Variants in TRPC5 observed in about 807,000 individuals in gnomAD.
TRPC5 encodes short transient receptor potential channel 5.
TRPC5 carries 9 observed loss-of-function variants against 56.5 expected under a neutral mutation model. That is an observed-to-expected ratio of 0.16 (90% confidence interval 0.10 to 0.28). The LOEUF is 0.28. TRPC5 is among the 10% of genes least tolerant of loss of function. TRPC5 has a pLI of 1.00. For missense variants in TRPC5, 469 were observed against 748.9 expected, an observed-to-expected ratio of 0.63 and a Z score of 4.36; for synonymous variants, 282 against 278.5, an observed-to-expected ratio of 1.01 and a Z score of -0.13.
intron 2 of TRPC5, among the ~76,000 whole-genome samples, chrX:111,929,260 A>G (rs1926341204): frequency 8.9e-6 from 1 of 112,127 alleles, no homozygotes; most frequent in African/African-American, 3.2e-5. Flanking sequence ...GGCCTCATTC[A>G]TATACTTGAG....
chrX:111,777,821 C>T (rs943587361), intron 10 of TRPC5, among the ~76,000 whole-genome samples: 9 of 112,780 alleles, frequency 8.0e-5, no homozygotes, highest in Non-Finnish European at 1.5e-4. Flanking sequence ...TTAAGCATCA[C>T]TTCCATTGGA....
At chrX:111,944,551 T>G (rs923857830) in intron 2 of TRPC5, among the ~76,000 whole-genome samples, 1 of 111,082 alleles carries the variant, frequency 9.0e-6, no homozygotes, top group South Asian at 3.9e-4. Context: ...CTCTTGGTAC[T>G]TGTGAATGTG....
At chrX:111,956,112 C>T (rs147382422) in intron 1 of TRPC5, among the ~76,000 whole-genome samples, 3,822 of 112,680 alleles carry the variant, frequency 0.034, 71 homozygotes, top group Non-Finnish European at 0.053. Context: ...AATCGATGGA[C>T]TTGGCAGAAG....
chrX:111,920,230 G>A (rs978605048), intron 2 of TRPC5, among the ~76,000 whole-genome samples: 16 of 110,944 alleles, frequency 1.4e-4, no homozygotes, highest in Admixed American at 1.3e-3. Context: ...AGTGAAGATC[G>A]CACCACTACA....
At chrX:111,837,906 CAA>C (rs757607444) in intron 6 of TRPC5, among the ~76,000 whole-genome samples, 2 of 42,658 alleles carry the variant, frequency 4.7e-5, no homozygotes, top group Admixed American at 3.2e-4. Context: ...GCCCCGTTAT[CAA>C]AAAAAAAAAA....
At chrX:111,962,965 C>T (rs1018333772) in intron 1 of TRPC5, among the ~76,000 whole-genome samples, 3 of 111,616 alleles carry the variant, frequency 2.7e-5, no homozygotes, top group Non-Finnish European at 5.7e-5. Flanking sequence ...TAAGGAGTGC[C>T]AGACAGTGGG....
chrX:111,845,097 G>A (rs1922888543), intron 6 of TRPC5, among the ~76,000 whole-genome samples: 1 of 110,073 alleles, frequency 9.1e-6, no homozygotes, highest in Admixed American at 9.7e-5. Context: ...AACTAGCCAG[G>A]CATGGTGGTG....
chrX:111,914,209 G>T (rs375234252), intron 2 of TRPC5, among the ~76,000 whole-genome samples: 2 of 111,679 alleles, frequency 1.8e-5, no homozygotes, highest in East Asian at 5.6e-4. Flanking sequence ...GGAAAAAAAA[G>T]TTCCAAATGT....
intron 1 of TRPC5, among the ~76,000 whole-genome samples, chrX:111,976,886 A>G (rs1927944465): frequency 9.0e-6 from 1 of 111,319 alleles, no homozygotes; most frequent in Non-Finnish European, 1.9e-5. Context: ...TCCCATTTAC[A>G]TTAGAGACAA....
At chrX:111,946,006 A>G (rs769802750) in intron 2 of TRPC5, among the ~76,000 whole-genome samples, 1 of 112,531 alleles carries the variant, frequency 8.9e-6, no homozygotes, top group Non-Finnish European at 1.9e-5. Context: ...TCTATCTCCC[A>G]GAAAGACAGA....
intron 2 of TRPC5, among the ~76,000 whole-genome samples, chrX:111,949,390 A>G (rs767386117): frequency 1.8e-5 from 2 of 112,322 alleles, no homozygotes; most frequent in Admixed American, 1.9e-4. Flanking sequence ...CAGGCAGCAG[A>G]GTTAACAAAC....
chrX:111,963,895 G>A (rs1927473022), intron 1 of TRPC5, among the ~76,000 whole-genome samples: 1 of 111,505 alleles, frequency 9.0e-6, no homozygotes, highest in Admixed American at 9.5e-5. Flanking sequence ...AGAAAAACTG[G>A]AAACTCTAAA....
At chrX:111,783,640 A>G (rs948982610) in intron 7 of TRPC5, among the ~76,000 whole-genome samples, 1 of 110,187 alleles carries the variant, frequency 9.1e-6, no homozygotes, top group African/African-American at 3.3e-5. Context: ...TAGAATATAC[A>G]TATATATTCT....
At chrX:111,798,656 T>TA (rs1250088633) in intron 7 of TRPC5, among the ~76,000 whole-genome samples, 30 of 105,007 alleles carry the variant, frequency 2.9e-4, no homozygotes, top group African/African-American at 3.4e-4. Context: ...ATTGTAAAAA[T>TA]AAAAAAAAAA....
At chrX:112,026,135 CT>C (rs1380822141) in intron 1 of TRPC5, among the ~76,000 whole-genome samples, 1 of 111,955 alleles carries the variant, frequency 8.9e-6, no homozygotes, top group Non-Finnish European at 1.9e-5. Context: ...CCTTCCAACT[CT>C]TGAAACTCTC....
intron 3 of TRPC5, among the ~76,000 whole-genome samples, chrX:111,906,353 T>A (rs866246163): frequency 6.1e-5 from 6 of 98,436 alleles, no homozygotes; most frequent in Admixed American, 1.1e-4. Flanking sequence ...AAACTCTGTT[T>A]AAAAAAACAA....
chrX:111,905,809 G>C (rs892651931), intron 3 of TRPC5, among the ~76,000 whole-genome samples: 2 of 108,315 alleles, frequency 1.8e-5, no homozygotes, highest in Non-Finnish European at 3.8e-5. Context: ...CAGCTACTCA[G>C]GAGGCTGAGG....
chrX:111,781,384 G>C (rs1945918792), intron 8 of TRPC5, among the ~76,000 whole-genome samples, 178 bp from the exon 9 acceptor site: 2 of 111,898 alleles, frequency 1.8e-5, no homozygotes, highest in Admixed American at 1.9e-4. Flanking sequence ...TTAAAACAGT[G>C]AGTTGGTCAC....
At chrX:111,785,726 T>C (rs1349117230) in intron 7 of TRPC5, among the ~76,000 whole-genome samples, 2 of 111,687 alleles carry the variant, frequency 1.8e-5, no homozygotes, top group Non-Finnish European at 3.8e-5. Flanking sequence ...TTAAATGACC[T>C]GATGGAGCTG....
Sources: gnomAD v4.1 joint callset for allele counts (sites outside exome capture counted in the v4.1 genomes callset) on GRCh38, gnomAD v4.1.1 for gene constraint, MANE v1.5 for transcripts, NCBI Gene and HGNC (gene_info 2026-07-23, HGNC 2026-07-21) for gene names.